Variants in KRCC1 observed in about 807,000 individuals in gnomAD.
KRCC1 encodes the protein lysine rich coiled-coil 1, also known as lysine-rich coiled-coil protein 1.
KRCC1 carries 3 observed loss-of-function variants against 7.4 expected under a neutral mutation model. The observed-to-expected ratio is 0.40, with a 90% confidence interval of 0.18 to 1.04. The LOEUF (loss-of-function observed/expected upper bound fraction) is 1.04. Ranked by LOEUF, KRCC1 falls within the 50% of genes least tolerant of loss-of-function variation. KRCC1 has a pLI of 0.33. For synonymous variants in KRCC1, 102 were observed against 101.6 expected (o/e 1.00, Z -0.02); for missense variants, 277 against 300.9 (o/e 0.92, Z 0.59).
intron 1 of KRCC1, among the ~76,000 whole-genome samples, chr2:88,040,100 C>T (rs1673176140): frequency 6.6e-6 from 1 of 152,170 alleles, no homozygotes; most frequent in African/African-American, 2.4e-5. Context: ...TATTTAGAAG[C>T]TCAAGATATC....
intron 1 of KRCC1, among the ~76,000 whole-genome samples, chr2:88,054,168 T>A (rs1260054106): frequency 6.6e-6 from 1 of 152,200 alleles, no homozygotes; most frequent in Non-Finnish European, 1.5e-5. Context: ...TTAGGGGCAA[T>A]GTGTTGGAGA....
At chr2:88,033,862 C>A (rs116808166) in intron 3 of KRCC1, among the ~76,000 whole-genome samples, 2,049 of 152,210 alleles carry the variant, frequency 0.013, 34 homozygotes, top group African/African-American at 0.048. Flanking sequence ...AAACCTATGT[C>A]CATGCAAGAA....
intron 1 of KRCC1, among the ~76,000 whole-genome samples, chr2:88,047,004 C>A (rs1673351201): frequency 6.6e-6 from 1 of 151,998 alleles, no homozygotes; most frequent in African/African-American, 2.4e-5. Flanking sequence ...ATATGTAAAA[C>A]CACTGTGAAA....
chr2:88,047,358 A>G (rs913817783), intron 1 of KRCC1, among the ~76,000 whole-genome samples: 2 of 152,124 alleles, frequency 1.3e-5, no homozygotes, highest in African/African-American at 4.8e-5. Context: ...CTGGGATTAC[A>G]GGCATGAGCC....
intron 1 of KRCC1, among the ~76,000 whole-genome samples, chr2:88,038,281 G>C (rs1673133743): frequency 1.3e-5 from 2 of 152,170 alleles, no homozygotes; most frequent in Admixed American, 1.3e-4. Context: ...GTGACATCCA[G>C]ACCTCAAGTA....
intron 1 of KRCC1, among the ~76,000 whole-genome samples, chr2:88,050,924 C>CTTTTTTTTTT (rs60827041): frequency 8.0e-6 from 1 of 125,384 alleles, no homozygotes. Flanking sequence ...TCCTTACTTG[C>CTTTTTTTTTT]TTTTTTTTTT....
At chr2:88,052,307 G>A (rs920502298) in intron 1 of KRCC1, among the ~76,000 whole-genome samples, 1 of 152,204 alleles carries the variant, frequency 6.6e-6, no homozygotes, top group Non-Finnish European at 1.5e-5. Context: ...CAGAGACTGA[G>A]AGTTCTAATT....
chr2:88,028,668 G>C, intron 3 of KRCC1, 83 bp from the exon 4 acceptor site: 2 of 595,614 alleles, frequency 3.4e-6, no homozygotes, highest in Non-Finnish European at 2.5e-6. Flanking sequence ...TTTTTTTCTT[G>C]AGATGGCGTC....
chr2:88,045,434 C>A (rs1392957557), intron 1 of KRCC1, among the ~76,000 whole-genome samples: 2 of 152,152 alleles, frequency 1.3e-5, no homozygotes, highest in Non-Finnish European at 2.9e-5. Context: ...GGATGAATCT[C>A]AAAACCATCA....
chr2:88,028,898 A>T (rs1672939041), intron 3 of KRCC1, among the ~76,000 whole-genome samples: 1 of 152,028 alleles, frequency 6.6e-6, no homozygotes, highest in African/African-American at 2.4e-5. Context: ...TGATCCATCC[A>T]CCTCAGCCTC....
At chr2:88,048,984 T>C (rs1673407415) in intron 1 of KRCC1, among the ~76,000 whole-genome samples, 1 of 152,208 alleles carries the variant, frequency 6.6e-6, no homozygotes, top group Non-Finnish European at 1.5e-5. Context: ...TGAATACTCT[T>C]TGCTATAATA....
chr2:88,031,618 T>C (rs1672992711), intron 3 of KRCC1, among the ~76,000 whole-genome samples: 1 of 150,168 alleles, frequency 6.7e-6, no homozygotes, highest in Non-Finnish European at 1.5e-5. Flanking sequence ...TGAGACTCCA[T>C]CTCAAAAAAA....
intron 1 of KRCC1, among the ~76,000 whole-genome samples, chr2:88,051,762 T>C (rs1038696707): frequency 2.1e-4 from 32 of 152,354 alleles, no homozygotes; most frequent in African/African-American, 7.5e-4. Context: ...CAAAGTTTCA[T>C]ATGCTTTATG....
chr2:88,027,991 TTTG>T lies in KRCC1; in HGVS notation c.570_572del (p.Asp190_Lys191delinsGlu), dbSNP rs762879725. The T allele has an allele frequency of 2.5e-6, 4 of 1,614,040 alleles. No homozygotes were observed. In the Admixed American group the frequency reaches 5.0e-5, roughly 20 times the overall value. ...TTTTCTTTCTTTGGATGCTCTTGTG[TTTG>T]TCTAAGTCAATTTCCTCGCAGCTTT... is the stretch of plus-strand genomic sequence containing the variant. On this transcript the variant is annotated inframe_deletion, in exon 4 of 4. Transcript: ENST00000347055.
At chr2:88,033,250 G>C (rs370259180) in intron 3 of KRCC1, among the ~76,000 whole-genome samples, 1 of 151,304 alleles carries the variant, frequency 6.6e-6, no homozygotes, top group African/African-American at 2.4e-5. Flanking sequence ...ATGGCTGGGC[G>C]CGGTGGCTCA....
intron 1 of KRCC1, among the ~76,000 whole-genome samples, chr2:88,051,103 T>A (rs948784503): frequency 2.6e-5 from 4 of 151,978 alleles, no homozygotes; most frequent in Non-Finnish European, 2.9e-5. Flanking sequence ...TTTATTTTTT[T>A]TTTTTGTAGA....
At chr2:88,045,105 T>A (rs1673301552) in intron 1 of KRCC1, among the ~76,000 whole-genome samples, 1 of 151,970 alleles carries the variant, frequency 6.6e-6, no homozygotes, top group African/African-American at 2.4e-5. Context: ...GCTCAAGCAA[T>A]CTGGCCATCT....
intron 1 of KRCC1, among the ~76,000 whole-genome samples, chr2:88,051,366 AAGTC>A (rs1334795849): frequency 1.3e-5 from 2 of 151,776 alleles, no homozygotes; most frequent in Non-Finnish European, 2.9e-5. Context: ...GGAATTTTGA[AAGTC>A]AGAGTAGAAT....
At chr2:88,040,359 T>C (rs1046707226) in intron 1 of KRCC1, among the ~76,000 whole-genome samples, 1 of 152,232 alleles carries the variant, frequency 6.6e-6, no homozygotes, top group African/African-American at 2.4e-5. Flanking sequence ...TTTCAATACC[T>C]ATAACATTAT....
Sources: gnomAD v4.1 joint callset for allele counts (sites outside exome capture counted in the v4.1 genomes callset) on GRCh38, gnomAD v4.1.1 for gene constraint, MANE v1.5 for transcripts, NCBI Gene and HGNC (gene_info 2026-07-23, HGNC 2026-07-21) for gene names.